The following KIAA1671 variants were observed in gnomAD, a reference collection of about 807,000 sequenced individuals.
The protein encoded by KIAA1671 is KIAA1671, also known as uncharacterized protein KIAA1671.
Under a neutral mutation model 131.2 loss-of-function variants are expected in KIAA1671, and 52 were observed. That is an observed-to-expected ratio of 0.40 (90% CI 0.32 to 0.50). KIAA1671 has a LOEUF of 0.50. Among genes scored for constraint, KIAA1671 ranks in the 20% least tolerant of loss-of-function variants. The pLI, the probability that KIAA1671 is intolerant of heterozygous loss-of-function variation, is 0.73. For missense variants in KIAA1671, 2,360 were observed against 2,364.2 expected, an observed-to-expected ratio of 1.00 and a Z score of 0.04; for synonymous variants, 1,003 against 961.6, an observed-to-expected ratio of 1.04 and a Z score of -0.80.
At chr22:25,075,169 G>A (rs973228766) in intron 6 of KIAA1671, among the ~76,000 whole-genome samples, 8 of 152,180 alleles carry the variant, frequency 5.3e-5, no homozygotes, top group Non-Finnish European at 8.8e-5. Context: ...ATTTGGCAAT[G>A]TCTGGAGACA....
intron 6 of KIAA1671, chr22:25,103,037 A>G (rs979460779): frequency 1.3e-5 from 2 of 152,442 alleles, no homozygotes; most frequent in African/African-American, 4.8e-5. Flanking sequence ...GCAATTGGCA[A>G]CTGGGCAAGC....
intron 6 of KIAA1671, among the ~76,000 whole-genome samples, chr22:25,160,953 G>A (rs1195249225): frequency 6.6e-6 from 1 of 152,156 alleles, no homozygotes; most frequent in African/African-American, 2.4e-5. Flanking sequence ...CCATGGGAGG[G>A]GATGTTGTGC....
intron 6 of KIAA1671, among the ~76,000 whole-genome samples, chr22:25,093,663 G>A (rs1051627160): frequency 1.4e-5 from 2 of 144,954 alleles, no homozygotes; most frequent in African/African-American, 5.1e-5. Context: ...GAGAGGTACC[G>A]GGATCTTCCC....
intron 5 of KIAA1671, among the ~76,000 whole-genome samples, chr22:25,047,078 C>G (rs1273968576): frequency 2.0e-5 from 3 of 151,502 alleles, no homozygotes; most frequent in Non-Finnish European, 4.4e-5. Context: ...TCGAGCAGTC[C>G]TCCCACCTCA....
chr22:25,164,963 AG>A (rs1338031116), intron 6 of KIAA1671, among the ~76,000 whole-genome samples: 7 of 102,246 alleles, frequency 6.8e-5, no homozygotes, highest in African/African-American at 2.6e-4. Flanking sequence ...AAAAAAAAAG[AG>A]AGAGAGTTGC....
At chr22:24,984,612 G>T (rs984348908) in intron 1 of KIAA1671, among the ~76,000 whole-genome samples, 1 of 152,182 alleles carries the variant, frequency 6.6e-6, no homozygotes, top group African/African-American at 2.4e-5. Context: ...GTGAGCTGCT[G>T]TGAGTCTTCC....
chr22:24,987,396 C>G (rs948499591), intron 1 of KIAA1671, among the ~76,000 whole-genome samples: 1 of 151,978 alleles, frequency 6.6e-6, no homozygotes, highest in Admixed American at 6.6e-5. Flanking sequence ...TGTTCTCGAT[C>G]TCCTGACCTC....
chr22:24,993,532 C>G (rs1923953414), intron 1 of KIAA1671, among the ~76,000 whole-genome samples: 1 of 152,164 alleles, frequency 6.6e-6, no homozygotes. Context: ...CCTGATCACC[C>G]AATTTGTGCA....
At chr22:25,091,311 G>A (rs533183796) in intron 6 of KIAA1671, among the ~76,000 whole-genome samples, 1 of 152,218 alleles carries the variant, frequency 6.6e-6, no homozygotes, top group African/African-American at 2.4e-5. Context: ...ACCCACCTTG[G>A]CCTCCCAAAA....
chr22:25,144,348 C>T (rs1217917799), intron 6 of KIAA1671, among the ~76,000 whole-genome samples: 1 of 152,206 alleles, frequency 6.6e-6, no homozygotes, highest in Non-Finnish European at 1.5e-5. Context: ...AATCCCCACT[C>T]ACTCCGGGTA....
intron 6 of KIAA1671, among the ~76,000 whole-genome samples, chr22:25,113,502 C>CCAG (rs1931491908): frequency 6.6e-6 from 1 of 152,202 alleles, no homozygotes; most frequent in African/African-American, 2.4e-5. Flanking sequence ...ATTAAGGGAC[C>CCAG]CAGCATTTAG....
intron 1 of KIAA1671, among the ~76,000 whole-genome samples, chr22:24,967,796 T>C (rs1286280979): frequency 6.6e-6 from 1 of 152,152 alleles, no homozygotes; most frequent in African/African-American, 2.4e-5. Flanking sequence ...ATCGAGACCA[T>C]CCTGGCTAAC....
chr22:25,055,504 T>G (rs1447738547), intron 6 of KIAA1671: 1 of 149,918 alleles, frequency 6.7e-6, no homozygotes, highest in Non-Finnish European at 1.5e-5. Flanking sequence ...GGAGGATTGC[T>G]TGAGGCCAGG....
intron 6 of KIAA1671, among the ~76,000 whole-genome samples, chr22:25,131,914 T>A (rs1404772981): frequency 6.6e-6 from 1 of 152,198 alleles, no homozygotes; most frequent in East Asian, 1.9e-4. Flanking sequence ...GTTGTAAGAT[T>A]GACACGAGTT....
At chr22:25,092,627 G>A (rs1930078291) in intron 6 of KIAA1671, among the ~76,000 whole-genome samples, 1 of 152,140 alleles carries the variant, frequency 6.6e-6, no homozygotes, top group Admixed American at 6.5e-5. Context: ...GTCCAGTGCT[G>A]GGGTGGGATG....
At chr22:24,962,770 T>G (rs1435598301) in intron 1 of KIAA1671, among the ~76,000 whole-genome samples, 1 of 152,080 alleles carries the variant, frequency 6.6e-6, no homozygotes, top group Non-Finnish European at 1.5e-5. Context: ...GGGAAAAGAA[T>G]GATGAGAAGC....
chr22:25,172,160 G>A (rs1568991186), intron 7 of KIAA1671, among the ~76,000 whole-genome samples: 1 of 152,080 alleles, frequency 6.6e-6, no homozygotes, highest in Admixed American at 6.6e-5. Flanking sequence ...TGAGAGTCTG[G>A]AAACCCAGGT....
chr22:25,038,897 C>G lies in KIAA1671; in HGVS notation c.1767C>G (p.Ser589Arg). 1 of 1,551,770 alleles carries G rather than the reference C, an allele frequency of 6.4e-7. No individual in the cohort carries two copies. The highest frequency in any genetic ancestry group is 1.4e-5 in the African/African-American group (1 of 73,176). Residue 589 changes from serine to arginine, a missense_variant, in exon 5 of 13, where the codon AGC becomes AGG. By Grantham distance (110) the Ser-to-Arg change is moderately radical (BLOSUM62 -1). Transcript: ENST00000358431. ...NQDPDSCRGG[S>R]SVEAPCPSDV... ...ACCCCGACAGCTGTCGCGGTGGAAG[C>G]TCAGTGGAGGCCCCGTGCCCTTCTG...
intron 1 of KIAA1671, among the ~76,000 whole-genome samples, chr22:24,996,354 CAT>C (rs1924137950): frequency 6.6e-6 from 1 of 152,126 alleles, no homozygotes; most frequent in African/African-American, 2.4e-5. Context: ...ACCCTCCCCA[CAT>C]GTGCACTCAC....
Sources: allele counts gnomAD v4.1 joint callset (sites outside exome capture counted in the v4.1 genomes callset), GRCh38; gene constraint gnomAD v4.1.1; transcripts MANE v1.5; gene names NCBI Gene and HGNC (gene_info 2026-07-23, HGNC 2026-07-21).